MAGI2: variants seen among roughly 807,000 people sequenced by gnomAD.
MAGI2 encodes the protein membrane-associated guanylate kinase, WW and PDZ domain-containing protein 2.
MAGI2 carries 35 observed loss-of-function variants against 133.3 expected under a neutral mutation model. The ratio of observed to expected loss-of-function variants is 0.26; its 90% CI spans 0.20 to 0.35. The LOEUF (loss-of-function observed/expected upper bound fraction) is 0.35, where lower values mean the gene tolerates loss of function less well. MAGI2 is among the 10% of genes least tolerant of loss of function. The pLI, the probability that MAGI2 is intolerant of heterozygous loss-of-function variation, is 1.00. For synonymous variants in MAGI2, 729 were observed against 710.6 expected (o/e 1.03, Z -0.41); for missense variants, 1,636 against 1,863.4 (o/e 0.88, Z 2.25).
chr7:78,469,669 G>A (rs1180839285), intron 6 of MAGI2, among the ~76,000 whole-genome samples: 7 of 152,100 alleles, frequency 4.6e-5, no homozygotes, highest in African/African-American at 1.7e-4. Context: ...GAATAGTAGT[G>A]CAGGTCTGGA....
intron 21 of MAGI2, among the ~76,000 whole-genome samples, chr7:78,056,759 C>G (rs1812615693): frequency 6.6e-6 from 1 of 152,072 alleles, no homozygotes; most frequent in Admixed American, 6.5e-5. Flanking sequence ...AGCAAACCAC[C>G]ATGGCACATG....
chr7:78,810,516 A>G (rs1306216128), intron 2 of MAGI2, among the ~76,000 whole-genome samples: 1 of 152,126 alleles, frequency 6.6e-6, no homozygotes, highest in Non-Finnish European at 1.5e-5. Flanking sequence ...AATACAATTT[A>G]ATATATTAGT....
At chr7:79,070,877 T>C (rs909013436) in intron 1 of MAGI2, among the ~76,000 whole-genome samples, 2 of 152,182 alleles carry the variant, frequency 1.3e-5, no homozygotes, top group African/African-American at 4.8e-5. Context: ...CTTCCTTGCA[T>C]TGGGTTAGAA....
At chr7:78,329,994 T>A (rs1446702406) in intron 9 of MAGI2, among the ~76,000 whole-genome samples, 1 of 150,278 alleles carries the variant, frequency 6.7e-6, no homozygotes, top group South Asian at 2.1e-4. Context: ...CAATGCAGAA[T>A]CATTTTGTCT....
chr7:78,578,125 A>G (rs1418290284), intron 3 of MAGI2, among the ~76,000 whole-genome samples: 2 of 151,878 alleles, frequency 1.3e-5, no homozygotes, highest in Non-Finnish European at 2.9e-5. Flanking sequence ...GGCAGGATAT[A>G]ATTATATTTT....
chr7:78,554,556 G>C (rs1331415570), intron 3 of MAGI2: 1 of 152,180 alleles, frequency 6.6e-6, no homozygotes, highest in Non-Finnish European at 1.5e-5. Flanking sequence ...AGACAGGAAG[G>C]TCACTCTTAC....
chr7:78,133,906 C>G (rs1398538870), intron 17 of MAGI2, among the ~76,000 whole-genome samples: 1 of 152,064 alleles, frequency 6.6e-6, no homozygotes, highest in Non-Finnish European at 1.5e-5. Flanking sequence ...CCTATGAACT[C>G]TTCTTCCCCC....
intron 6 of MAGI2, among the ~76,000 whole-genome samples, chr7:78,482,963 A>T (rs7804932): frequency 0.41 from 62,010 of 150,938 alleles, 13,669 homozygotes; most frequent in East Asian, 0.68. Context: ...TCTTGTATAT[A>T]TGTACTTGTA....
chr7:79,335,699 T>C (rs1045777596), intron 1 of MAGI2, among the ~76,000 whole-genome samples: 2 of 152,014 alleles, frequency 1.3e-5, no homozygotes, highest in African/African-American at 2.4e-5. Context: ...TTTGACAAAA[T>C]TATTTTGCAG....
At chr7:78,696,896 C>G (rs931990618) in intron 2 of MAGI2, among the ~76,000 whole-genome samples, 1 of 152,162 alleles carries the variant, frequency 6.6e-6, no homozygotes, top group African/African-American at 2.4e-5. Context: ...AGACATGATA[C>G]ATGGGAGAAC....
chr7:79,058,760 CACTT>C (rs1160565999), intron 1 of MAGI2, among the ~76,000 whole-genome samples: 1 of 152,042 alleles, frequency 6.6e-6, no homozygotes, highest in Non-Finnish European at 1.5e-5. Flanking sequence ...GAACGCAAAA[CACTT>C]ACACCTGAAT....
intron 20 of MAGI2, among the ~76,000 whole-genome samples, chr7:78,105,135 A>ATT (rs34533336): frequency 1.3e-5 from 2 of 151,848 alleles, no homozygotes; most frequent in Admixed American, 6.6e-5. Context: ...TATTCCCTTG[A>ATT]TTTTTTTAGC....
intron 2 of MAGI2, among the ~76,000 whole-genome samples, chr7:78,980,458 C>T (rs1251888558): frequency 2.0e-5 from 3 of 151,770 alleles, no homozygotes; most frequent in Admixed American, 2.0e-4. Context: ...AGTATCAAGG[C>T]TTGTCAGTGT....
intron 16 of MAGI2, among the ~76,000 whole-genome samples, chr7:78,144,945 T>C (rs2150567078): frequency 6.6e-6 from 1 of 152,232 alleles, no homozygotes; most frequent in South Asian, 2.1e-4. Context: ...TGTGTTCTCA[T>C]TGTTCCACTC....
chr7:79,161,789 A>G (rs1253594401), intron 1 of MAGI2, among the ~76,000 whole-genome samples: 2 of 152,104 alleles, frequency 1.3e-5, no homozygotes, highest in Non-Finnish European at 2.9e-5. Context: ...AGTTCTCTAA[A>G]ATTCAGATCG....
intron 2 of MAGI2, among the ~76,000 whole-genome samples, chr7:78,812,109 C>T (rs753328823): frequency 5.1e-4 from 78 of 151,984 alleles, no homozygotes; most frequent in Admixed American, 5.9e-4. Context: ...CCGGGAAAGG[C>T]GAGGAAATAG....
chr7:78,109,359 C>T lies in MAGI2; in HGVS notation c.3567+16335G>A, dbSNP rs562695565. On this transcript the variant is annotated intron_variant, in intron 20 of 21. Coordinates refer to ENST00000354212, the MANE Select transcript of MAGI2 (RefSeq NM_012301.4). Reference sequence around the variant, plus strand: ...AGAAAAAAGAAAAAAAAAAGAAAATCCTGTGGCTCACGCCTGTAATCCCAG... The same window carrying T: ...AGAAAAAAGAAAAAAAAAAGAAAATTCTGTGGCTCACGCCTGTAATCCCAG... Among the ~76,000 whole-genome samples, 36 of 88,430 alleles carry T rather than the reference C, an allele frequency of 4.1e-4. No homozygotes were observed. In the South Asian group the frequency reaches 0.016, roughly 40 times the overall value. 58.0% of individuals were successfully genotyped at this position (88,430 alleles called of 152,430 possible).
chr7:79,253,164 A>G (rs1486054466), intron 1 of MAGI2, among the ~76,000 whole-genome samples: 1 of 152,214 alleles, frequency 6.6e-6, no homozygotes, highest in Non-Finnish European at 1.5e-5. Context: ...CATTTTTATT[A>G]TATGAGCTTT....
At chr7:78,480,992 T>A (rs1030321263) in intron 6 of MAGI2, among the ~76,000 whole-genome samples, 2 of 151,962 alleles carry the variant, frequency 1.3e-5, no homozygotes, top group African/African-American at 4.8e-5. Flanking sequence ...TATATTATTG[T>A]CAACTTAATC....
Sources: allele counts gnomAD v4.1 joint callset (sites outside exome capture counted in the v4.1 genomes callset), GRCh38; gene constraint gnomAD v4.1.1; transcripts MANE v1.5; gene names NCBI Gene and HGNC (gene_info 2026-07-23, HGNC 2026-07-21).